Variants in ADGRV1 observed in about 807,000 individuals in gnomAD.
ADGRV1 encodes the protein G-protein coupled receptor 98.
ADGRV1 carries 359 observed loss-of-function variants against 596.2 expected under a neutral mutation model. The observed-to-expected ratio is 0.60, with a 90% CI of 0.55 to 0.66. The LOEUF is 0.66. Ranked by LOEUF, ADGRV1 falls within the 30% of genes least tolerant of loss-of-function variation. The pLI is 0.00. For missense variants in ADGRV1, 7,274 were observed against 7,575.6 expected, an observed-to-expected ratio of 0.96 and a Z score of 1.48; for synonymous variants, 2,681 against 2,679.2, an observed-to-expected ratio of 1.00 and a Z score of -0.02.
intron 59 of ADGRV1, among the ~76,000 whole-genome samples, chr5:90,767,048 G>C (rs1408912662): frequency 6.6e-6 from 1 of 152,154 alleles, no homozygotes; most frequent in Non-Finnish European, 1.5e-5. Context: ...TGGAAGGGAG[G>C]ATGGGGAGGT....
At chr5:91,107,879 G>A (rs1246434096) in intron 87 of ADGRV1, among the ~76,000 whole-genome samples, 1 of 152,128 alleles carries the variant, frequency 6.6e-6, no homozygotes, top group Non-Finnish European at 1.5e-5. Flanking sequence ...GGTTTGTAAA[G>A]AAAGGAGGAC....
intron 83 of ADGRV1, among the ~76,000 whole-genome samples, chr5:90,875,522 C>G (rs1769139027): frequency 6.6e-6 from 1 of 152,224 alleles, no homozygotes; most frequent in Non-Finnish European, 1.5e-5. Flanking sequence ...TATGGCTCTT[C>G]TTCCTTCAAA....
chr5:90,857,244 G>T (rs953899962), intron 82 of ADGRV1, among the ~76,000 whole-genome samples: 1 of 152,062 alleles, frequency 6.6e-6, no homozygotes, highest in East Asian at 1.9e-4. Flanking sequence ...AAAGAGCAAA[G>T]AAATTTTATA....
intron 84 of ADGRV1, among the ~76,000 whole-genome samples, chr5:90,975,410 A>G (rs1246448305): frequency 1.3e-5 from 2 of 152,226 alleles, no homozygotes; most frequent in East Asian, 3.8e-4. Context: ...GTGTATGTTT[A>G]TTGTGGCACT....
At chr5:90,581,406 G>A (rs189544298) in intron 1 of ADGRV1, among the ~76,000 whole-genome samples, 269 of 152,302 alleles carry the variant, frequency 1.8e-3, no homozygotes, top group Non-Finnish European at 2.9e-3. Flanking sequence ...TCCACCTTTG[G>A]TCTTTGATGT....
intron 85 of ADGRV1, among the ~76,000 whole-genome samples, chr5:91,067,868 A>C (rs183158564): frequency 1.1e-4 from 16 of 152,354 alleles, no homozygotes; most frequent in African/African-American, 3.8e-4. Flanking sequence ...CATAAGAATG[A>C]GTAACCAGCA....
Position 90,863,849 on chromosome 5 carries a change from G to A in ADGRV1, c.17848G>A (p.Gly5950Ser). The change falls in exon 83 of 90, where the codon GGT (glycine) becomes AGT (serine). Residue 5950 changes from glycine (G) to serine (S), a missense_variant. Gly to Ser is a moderately conservative substitution (Grantham distance 56). Coordinates refer to ENST00000405460, the MANE Select transcript of ADGRV1 (RefSeq NM_032119.4). ...LLTHMMAASL[G>S]TQILFLASAY... ...GACTCACATGATGGCAGCCAGCTTA[G>A]GTACACAGGTAGGAGAGCGCTGGCA... 14 of 1,605,746 alleles carry A rather than the reference G, an allele frequency of 8.7e-6. No individual in the cohort carries two copies. Among genetic ancestry groups the A allele is most frequent in the Non-Finnish European group, 1.2e-5 (14 of 1,172,524 alleles).
intron 87 of ADGRV1, among the ~76,000 whole-genome samples, chr5:91,134,381 G>T (rs1794462726): frequency 6.6e-6 from 1 of 152,000 alleles, no homozygotes; most frequent in South Asian, 2.1e-4. Flanking sequence ...TAAAGACAGG[G>T]TTTCACCATG....
At chr5:90,649,907 T>G (rs572061413) in intron 17 of ADGRV1, among the ~76,000 whole-genome samples, 1 of 152,114 alleles carries the variant, frequency 6.6e-6, no homozygotes. Context: ...CAAGATGTGA[T>G]TGGGTTACTG....
chr5:90,712,950 C>T (rs1045616179), intron 42 of ADGRV1, among the ~76,000 whole-genome samples: 9 of 152,166 alleles, frequency 5.9e-5, no homozygotes, highest in Middle Eastern at 6.8e-3. Context: ...AAGAGTCATC[C>T]TACTCCATTG....
At chr5:90,651,209 A>G (rs1768567931) in intron 17 of ADGRV1, among the ~76,000 whole-genome samples, 1 of 152,180 alleles carries the variant, frequency 6.6e-6, no homozygotes, top group African/African-American at 2.4e-5. Context: ...ATTTGTATGA[A>G]ATAAAAGAAT....
intron 42 of ADGRV1, among the ~76,000 whole-genome samples, chr5:90,715,583 A>G (rs1382740700): frequency 6.6e-6 from 1 of 152,056 alleles, no homozygotes; most frequent in Admixed American, 6.5e-5. Flanking sequence ...GATTTTCTTC[A>G]TATAGGTTTT....
chr5:90,593,599 T>C (rs1251821877), intron 1 of ADGRV1, among the ~76,000 whole-genome samples: 3 of 152,132 alleles, frequency 2.0e-5, no homozygotes, highest in Non-Finnish European at 4.4e-5. Flanking sequence ...TAAAGTATAA[T>C]AATAATTTTT....
rs951270901 is a variant in ADGRV1 at position 90,878,066 on chromosome 5, T to G, written c.17856+14209T>G. 5.3e-5 allele frequency among the ~76,000 whole-genome samples: 8 copies of G among 152,202 alleles called. No homozygotes were observed. The South Asian group carries it at 6.2e-4, about 12-fold the overall frequency. On this transcript the variant is annotated intron_variant, in intron 83 of 89. Transcript: ENST00000405460. ...ATGCCACAGGAAAATATTTGTGGTG[T>G]TGTTTAAGATTCAGCGTGTGTAACT...
At chr5:91,016,563 A>G (rs1301143215) in intron 85 of ADGRV1, among the ~76,000 whole-genome samples, 5 of 151,990 alleles carry the variant, frequency 3.3e-5, no homozygotes, top group Non-Finnish European at 5.9e-5. Context: ...CATCATTAGT[A>G]GAAGAAACAG....
chr5:91,004,324 GA>G (rs1194834046), intron 85 of ADGRV1, among the ~76,000 whole-genome samples: 1 of 151,880 alleles, frequency 6.6e-6, no homozygotes, highest in African/African-American at 2.4e-5. Context: ...GAAAACAAAT[GA>G]AAAGCAAATA....
intron 75 of ADGRV1, among the ~76,000 whole-genome samples, chr5:90,822,991 C>T (rs111669000): frequency 6.6e-6 from 1 of 152,152 alleles, no homozygotes; most frequent in Non-Finnish European, 1.5e-5. Context: ...TATCCTGAGA[C>T]TTTGCTGAAG....
intron 21 of ADGRV1, among the ~76,000 whole-genome samples, chr5:90,671,834 C>T (rs1189727626): frequency 6.6e-6 from 1 of 152,022 alleles, no homozygotes; most frequent in African/African-American, 2.4e-5. Context: ...CAGCTGCTTC[C>T]ACCATAGAGT....
intron 58 of ADGRV1, 143 bp downstream of exon 58, chr5:90,759,731 C>T (rs1023359715): frequency 3.7e-5 from 26 of 698,700 alleles, no homozygotes; most frequent in South Asian, 7.8e-5. Context: ...TTTGGGAGGC[C>T]GCAGCGGGCA....
Sources: gnomAD v4.1 joint callset for allele counts (sites outside exome capture counted in the v4.1 genomes callset) on GRCh38, gnomAD v4.1.1 for gene constraint, MANE v1.5 for transcripts, NCBI Gene and HGNC (gene_info 2026-07-23, HGNC 2026-07-21) for gene names.